The following FMN1 variants were observed in gnomAD, a reference collection of about 807,000 sequenced individuals.
FMN1 encodes the protein formin 1.
Under a neutral mutation model 132.4 loss-of-function variants are expected in FMN1, and 110 were observed. The ratio of observed to expected loss-of-function variants is 0.83; its 90% confidence interval spans 0.71 to 0.97. The LOEUF (loss-of-function observed/expected upper bound fraction) is 0.97, where lower values mean the gene tolerates loss of function less well. Among genes scored for constraint, FMN1 ranks in the 50% least tolerant of loss-of-function variants. The probability of loss-of-function intolerance (pLI) is 0.00; values close to 1 mark genes in which losing one functional copy is unlikely to be tolerated. For synonymous variants in FMN1, 722 were observed against 651.7 expected, an observed-to-expected ratio of 1.11 and a Z score of -1.64; for missense variants, 1,792 against 1,705.3, an observed-to-expected ratio of 1.05 and a Z score of -0.90.
At chr15:32,962,907 A>G (rs1225673557) in intron 9 of FMN1, among the ~76,000 whole-genome samples, 1 of 148,134 alleles carries the variant, frequency 6.8e-6, no homozygotes, top group East Asian at 2.0e-4. Context: ...ACTGTAAACT[A>G]GTTCAACCAT....
chr15:33,015,706 A>T lies in FMN1; in HGVS notation c.2162-7631T>A, dbSNP rs1051786845. ...GTATTTTCAAGTACATATGTGACTT[A>T]AAAAAAAAAATCATTCCTCTGAATT... On this transcript the variant is annotated intron_variant, in intron 6 of 20. Coordinates refer to ENST00000616417, the MANE Select transcript of FMN1 (RefSeq NM_001277313.2). 9.1e-4 allele frequency among the ~76,000 whole-genome samples: 57 copies of T among 62,536 alleles called. No homozygotes were observed. In the South Asian group the frequency reaches 0.011, roughly 12 times the overall value. 41.0% of individuals were successfully genotyped at this position (62,536 alleles called of 152,430 possible). A position where few individuals can be genotyped will look rare whatever the true frequency, so the allele number is the denominator to read the frequency against.
chr15:33,092,808 T>C (rs1178586088), intron 4 of FMN1, among the ~76,000 whole-genome samples: 1 of 152,220 alleles, frequency 6.6e-6, no homozygotes, highest in Non-Finnish European at 1.5e-5. Context: ...ATTAAACCTT[T>C]TCAGCTGAGG....
intron 19 of FMN1, among the ~76,000 whole-genome samples, chr15:32,783,742 T>C (rs4780041): frequency 0.94 from 79,511 of 84,490 alleles, 37,268 homozygotes; most frequent in Middle Eastern, 0.99. Flanking sequence ...GAGACTCTGT[T>C]TCAAAAAAAA....
At chr15:33,092,264 C>T (rs754838559) in intron 4 of FMN1, among the ~76,000 whole-genome samples, 2 of 152,170 alleles carry the variant, frequency 1.3e-5, no homozygotes, top group Non-Finnish European at 2.9e-5. Context: ...AGACAGAATG[C>T]AAAGGTAATA....
chr15:33,017,036 G>A (rs141815076), intron 6 of FMN1, among the ~76,000 whole-genome samples: 6 of 152,222 alleles, frequency 3.9e-5, no homozygotes, highest in African/African-American at 1.4e-4. Flanking sequence ...TAATGCATCT[G>A]CGGTCATCAA....
intron 3 of FMN1, 39 bp from the exon 4 acceptor site, chr15:33,155,084 A>G: frequency 1.7e-6 from 1 of 596,266 alleles, no homozygotes; most frequent in Non-Finnish European, 3.0e-6. Flanking sequence ...CTTGTCTAAC[A>G]GAGTGCATAA....
chr15:32,802,761 G>A (rs1300722014), intron 18 of FMN1, among the ~76,000 whole-genome samples: 4 of 152,144 alleles, frequency 2.6e-5, no homozygotes, highest in Non-Finnish European at 5.9e-5. Flanking sequence ...TGACACCAAC[G>A]TGCCCTTGTT....
At chr15:32,956,372 T>TAAAAA (rs67741965) in intron 9 of FMN1, among the ~76,000 whole-genome samples, 1 of 150,914 alleles carries the variant, frequency 6.6e-6, no homozygotes, top group East Asian at 1.9e-4. Context: ...TTTTTTTTTT[T>TAAAAA]AAAAAAATAA....
At chr15:33,127,788 A>G (rs979010574) in intron 4 of FMN1, among the ~76,000 whole-genome samples, 3 of 152,218 alleles carry the variant, frequency 2.0e-5, no homozygotes, top group Admixed American at 2.0e-4. Flanking sequence ...GTAGAGAACT[A>G]CATCTTGCCA....
intron 15 of FMN1, among the ~76,000 whole-genome samples, chr15:32,893,696 T>TA (rs2060086851): frequency 6.6e-6 from 1 of 152,250 alleles, no homozygotes; most frequent in Admixed American, 6.5e-5. Flanking sequence ...TTTTGCACAG[T>TA]AAAAGCCAGA....
intron 6 of FMN1, among the ~76,000 whole-genome samples, chr15:33,055,814 T>A (rs570818539): frequency 6.6e-6 from 1 of 152,084 alleles, no homozygotes; most frequent in Non-Finnish European, 1.5e-5. Context: ...AAAACCACTA[T>A]TAAGAGAGAG....
chr15:32,767,427 G>C lies in FMN1; in HGVS notation c.*6883C>G, dbSNP rs1416542417. On this transcript the variant is annotated 3_prime_UTR_variant, in exon 21 of 21. Transcript: ENST00000616417. ...GTTGACTGCCTTCACTCAGGTTCTA[G>C]GCATGCAGGCCAGTGCTTATTTTCC... 6.6e-6 allele frequency: 1 copy of C among 152,108 alleles called. No individual in the cohort carries two copies. The highest frequency in any genetic ancestry group is 2.4e-5 in the African/African-American group (1 of 41,404). 9.4% of individuals were successfully genotyped at this position (152,108 alleles called of 1,614,324 possible).
At chr15:33,031,150 G>C (rs1018830568) in intron 6 of FMN1, among the ~76,000 whole-genome samples, 3 of 152,104 alleles carry the variant, frequency 2.0e-5, no homozygotes, top group African/African-American at 7.2e-5. Context: ...AGCTTACACA[G>C]GTAATAAGAA....
Position 32,914,105 on chromosome 15 carries a change from C to A in FMN1, c.3227-3570G>T, listed in dbSNP as rs562691202. 5.3e-5 allele frequency among the ~76,000 whole-genome samples: 8 copies of A among 152,228 alleles called. No homozygotes were observed. In the South Asian group the frequency reaches 1.7e-3, roughly 32 times the overall value. On this transcript the variant is annotated intron_variant, in intron 10 of 20. Coordinates refer to ENST00000616417, the MANE Select transcript of FMN1 (RefSeq NM_001277313.2). ...TACCGCTTGCCTGAATACTCCCTAA[C>A]AAAAATAATTAACTTCAAAGATGAG...
intron 17 of FMN1, among the ~76,000 whole-genome samples, chr15:32,849,477 A>G (rs2058953102): frequency 6.6e-6 from 1 of 151,984 alleles, no homozygotes; most frequent in Non-Finnish European, 1.5e-5. Context: ...TTTTTTTAAA[A>G]AAGATGCTTA....
intron 17 of FMN1, among the ~76,000 whole-genome samples, chr15:32,852,974 A>G (rs947117168): frequency 6.6e-6 from 1 of 152,084 alleles, no homozygotes; most frequent in African/African-American, 2.4e-5. Context: ...CATGTCTTTC[A>G]TCCTTCTGAG....
intron 7 of FMN1, among the ~76,000 whole-genome samples, chr15:33,005,399 A>G (rs2034362929): frequency 6.6e-6 from 1 of 152,206 alleles, no homozygotes; most frequent in Non-Finnish European, 1.5e-5. Context: ...TATAGTTTGG[A>G]ACATTTTTAA....
rs761785324 is a variant in FMN1, at chr15:32,836,546, G to C, written c.3928+20469C>G. On this transcript the variant is annotated intron_variant, in intron 17 of 20. Transcript: ENST00000616417. ...CAAATGCCCGCATGCTTTCTCCCCA[G>C]AACCGAGGCCTTCATATTTTTCTCC... Among the ~76,000 whole-genome samples the C allele has an allele frequency of 5.6e-4, 85 of 152,092 alleles. 1 individual carries two copies. The highest frequency in any genetic ancestry group is 6.8e-3 in the Middle Eastern group (2 of 292).
chr15:33,051,478 T>C (rs2036968241), intron 6 of FMN1, among the ~76,000 whole-genome samples: 1 of 129,358 alleles, frequency 7.7e-6, no homozygotes, highest in Non-Finnish European at 1.7e-5. Context: ...CATCAGGTGA[T>C]AGGTGGTTGT....
Sources: allele counts gnomAD v4.1 joint callset (sites outside exome capture counted in the v4.1 genomes callset), GRCh38; gene constraint gnomAD v4.1.1; transcripts MANE v1.5; gene names NCBI Gene and HGNC (gene_info 2026-07-23, HGNC 2026-07-21).